The following ASTN2 variants were observed in gnomAD, a reference collection of about 807,000 sequenced individuals.
The protein encoded by ASTN2 is astrotactin 2, also known as astrotactin-2.
Under a neutral mutation model 139.8 loss-of-function variants are expected in ASTN2, and 54 were observed. The ratio of observed to expected loss-of-function variants is 0.39; its 90% CI spans 0.31 to 0.48. ASTN2 has a LOEUF of 0.48. Ranked by LOEUF, ASTN2 falls within the 20% of genes least tolerant of loss-of-function variation. The pLI, the probability that ASTN2 is intolerant of heterozygous loss-of-function variation, is 0.95. For synonymous variants in ASTN2, 756 were observed against 719.5 expected, an observed-to-expected ratio of 1.05 and a Z score of -0.81; for missense variants, 1,565 against 1,725.1, an observed-to-expected ratio of 0.91 and a Z score of 1.64.
chr9:117,327,677 A>G (rs926879844), intron 1 of ASTN2, among the ~76,000 whole-genome samples: 1 of 152,204 alleles, frequency 6.6e-6, no homozygotes, highest in African/African-American at 2.4e-5. Flanking sequence ...CTTGAATAGC[A>G]GCTTGAAGAA....
chr9:116,840,204 G>A (rs1243129516), intron 11 of ASTN2, among the ~76,000 whole-genome samples: 1 of 147,170 alleles, frequency 6.8e-6, no homozygotes, highest in Non-Finnish European at 1.5e-5. Flanking sequence ...TAAGGTCACC[G>A]ATCAACAGGA....
chr9:116,907,157 G>A (rs1834183437), intron 10 of ASTN2, among the ~76,000 whole-genome samples: 2 of 152,194 alleles, frequency 1.3e-5, no homozygotes, highest in South Asian at 2.1e-4. Flanking sequence ...CAGCTACAAA[G>A]TGTGAAACGT....
intron 17 of ASTN2, among the ~76,000 whole-genome samples, chr9:116,622,229 G>A (rs1588097739): frequency 6.6e-6 from 1 of 152,134 alleles, no homozygotes; most frequent in East Asian, 1.9e-4. Flanking sequence ...GAAGGAGACA[G>A]TGTCTATCAA....
At chr9:116,440,505 A>T in intron 22 of ASTN2, 104 bp downstream of exon 22, 1 of 1,079,086 alleles carries the variant, frequency 9.3e-7, no homozygotes, top group Non-Finnish European at 1.3e-6. Context: ...AATCACCCTT[A>T]TTTACTTGAT....
At chr9:116,604,647 A>G (rs1220794055) in intron 19 of ASTN2, among the ~76,000 whole-genome samples, 2 of 152,198 alleles carry the variant, frequency 1.3e-5, no homozygotes, top group African/African-American at 4.8e-5. Context: ...ATAAATACCT[A>G]CAATGTAAGT....
intron 3 of ASTN2, among the ~76,000 whole-genome samples, chr9:117,155,684 A>G (rs968915873): frequency 1.3e-5 from 2 of 152,000 alleles, no homozygotes; most frequent in African/African-American, 2.4e-5. Context: ...CCTCTTCCTT[A>G]TCCTTTATCT....
At chr9:116,761,235 C>T (rs1829665179) in intron 13 of ASTN2, among the ~76,000 whole-genome samples, 1 of 152,216 alleles carries the variant, frequency 6.6e-6, no homozygotes, top group Admixed American at 6.5e-5. Context: ...AGGCATGAAC[C>T]TAGGCTCTCA....
intron 7 of ASTN2, among the ~76,000 whole-genome samples, chr9:116,993,605 G>A (rs1215266215): frequency 6.7e-6 from 1 of 148,444 alleles, no homozygotes; most frequent in Non-Finnish European, 1.5e-5. Flanking sequence ...AAGTACATAA[G>A]TTACTATATA....
At chr9:117,049,452 T>C (rs1323051970) in intron 5 of ASTN2, among the ~76,000 whole-genome samples, 1 of 152,110 alleles carries the variant, frequency 6.6e-6, no homozygotes. Context: ...TGGAACAAGG[T>C]ACGGAAAAAA....
intron 19 of ASTN2, among the ~76,000 whole-genome samples, chr9:116,572,063 G>T (rs539043964): frequency 5.3e-5 from 8 of 152,232 alleles, no homozygotes; most frequent in Non-Finnish European, 1.0e-4. Flanking sequence ...TCTGTGTGGG[G>T]TATGTTGCAT....
At chr9:117,043,877 C>A (rs1838653265) in intron 5 of ASTN2, among the ~76,000 whole-genome samples, 1 of 136,980 alleles carries the variant, frequency 7.3e-6, no homozygotes, top group East Asian at 2.2e-4. Context: ...CATTGCACTC[C>A]AGCTTGGGCC....
At chr9:117,185,717 T>C (rs1831179395) in intron 3 of ASTN2, among the ~76,000 whole-genome samples, 1 of 151,856 alleles carries the variant, frequency 6.6e-6, no homozygotes, top group South Asian at 2.1e-4. Flanking sequence ...TCACAAGGAA[T>C]GGAGATGGGC....
intron 13 of ASTN2, among the ~76,000 whole-genome samples, chr9:116,780,674 GC>G (rs1830194445): frequency 6.6e-6 from 1 of 151,902 alleles, no homozygotes; most frequent in African/African-American, 2.4e-5. Context: ...TATCATAGTA[GC>G]TTTCCTCATT....
intron 2 of ASTN2, among the ~76,000 whole-genome samples, chr9:117,252,431 T>C (rs1833563619): frequency 6.6e-6 from 1 of 152,116 alleles, no homozygotes. Flanking sequence ...CACCAGGGGG[T>C]CTTCAGCTAA....
chr9:116,643,880 C>T (rs1378700625), intron 17 of ASTN2, among the ~76,000 whole-genome samples: 2 of 152,110 alleles, frequency 1.3e-5, no homozygotes, highest in African/African-American at 4.8e-5. Context: ...ATAAATCATG[C>T]ATTTGTGTAG....
chr9:117,006,090 T>A (rs939732857), intron 7 of ASTN2, among the ~76,000 whole-genome samples: 1 of 151,984 alleles, frequency 6.6e-6, no homozygotes, highest in Non-Finnish European at 1.5e-5. Context: ...GACAACCAGA[T>A]CTTAGGGTGC....
chr9:116,731,312 C>T (rs1828778063), intron 14 of ASTN2, among the ~76,000 whole-genome samples: 1 of 151,930 alleles, frequency 6.6e-6, no homozygotes, highest in Non-Finnish European at 1.5e-5. Flanking sequence ...ATTTGAACCA[C>T]TAATGGATAC....
chr9:117,090,089 G>A (rs1391147694), intron 5 of ASTN2, among the ~76,000 whole-genome samples: 1 of 152,100 alleles, frequency 6.6e-6, no homozygotes, highest in Non-Finnish European at 1.5e-5. Context: ...TAAGTTTCAT[G>A]GGTGAAATCT....
rs184728758 is a variant in ASTN2, at chr9:117,099,611, T to G, written c.1169-3460A>C. On this transcript the variant is annotated intron_variant, in intron 4 of 22. Coordinates refer to ENST00000313400, the MANE Select transcript of ASTN2 (RefSeq NM_001365068.1). ...TACATGGGTTGACTCATTTCATATTTACAAGAACCCTAGGAGATAGGTTAC... is the reference window on the plus strand; with the variant it reads ...TACATGGGTTGACTCATTTCATATTGACAAGAACCCTAGGAGATAGGTTAC... Among the ~76,000 whole-genome samples, 645 of 152,342 alleles carry G rather than the reference T, an allele frequency of 4.2e-3. 3 individuals are homozygous for G. The highest frequency in any genetic ancestry group is 8.1e-3 in the South Asian group (39 of 4,832).
Sources: gnomAD v4.1 joint callset for allele counts (sites outside exome capture counted in the v4.1 genomes callset) on GRCh38, gnomAD v4.1.1 for gene constraint, MANE v1.5 for transcripts, NCBI Gene and HGNC (gene_info 2026-07-23, HGNC 2026-07-21) for gene names.